The following MST1R variants were observed in gnomAD, a reference collection of about 807,000 sequenced individuals.
MST1R encodes macrophage-stimulating protein receptor.
Under a neutral mutation model 117.8 loss-of-function variants are expected in MST1R, and 99 were observed. The ratio of observed to expected loss-of-function variants is 0.84; its 90% CI spans 0.71 to 0.99. The LOEUF (loss-of-function observed/expected upper bound fraction) is 0.99, where lower values mean the gene tolerates loss of function less well. Among genes scored for constraint, MST1R ranks in the 50% least tolerant of loss-of-function variants. The probability of loss-of-function intolerance (pLI) is 0.00; values close to 1 mark genes in which losing one functional copy is unlikely to be tolerated. For missense variants in MST1R, 1,683 were observed against 1,840.2 expected, an observed-to-expected ratio of 0.91 and a Z score of 1.56; for synonymous variants, 734 against 765.3, an observed-to-expected ratio of 0.96 and a Z score of 0.68.
chr3:49,891,497 G>A lies in MST1R; in HGVS notation c.3436C>T (p.Leu1146Phe), dbSNP rs2082314606. The change falls in exon 16 of 20, where the codon CTC (leucine) becomes TTC (phenylalanine). Residue 1146 changes from leucine to phenylalanine, a missense_variant. By Grantham distance (22) the Leu-to-Phe change is conservative. Transcript: ENST00000296474. ...TCAGGTGGCAACATGATACCAATGA[G>A]AGCCAGCACATTCGGGTGGTTCAGG... Reference protein sequence around the residue: ...RGLNHPNVLALIGIMLPPEGL... With the variant: ...RGLNHPNVLAFIGIMLPPEGL... 6.2e-7 allele frequency: 1 copy of A among 1,614,036 alleles called. No homozygotes were observed. Among genetic ancestry groups the A allele is most frequent in the East Asian group, 2.2e-5 (1 of 44,890 alleles).
chr3:49,902,443 T>C lies in MST1R; in HGVS notation c.1167A>G (p.Pro389=), dbSNP rs1476557456. 8 of 1,614,158 alleles carry C rather than the reference T, an allele frequency of 5.0e-6. No individual in the cohort carries two copies. The East Asian group carries it at 1.8e-4, about 36-fold the overall frequency. ...GGCCTCGCCGGAGGCCTGGATGGAC[T>C]GGGGATTCACAACAGCGCTCCACAC... is the stretch of plus-strand genomic sequence containing the variant. ...DEGVERCCES[P]VHPGLRRGLD... Residue 389 remains proline (P), a synonymous_variant, in exon 1 of 20, where the codon CCA becomes CCG. Coordinates refer to ENST00000296474, the MANE Select transcript of MST1R (RefSeq NM_002447.4).
rs767387309 is a variant in MST1R at position 49,887,533 on chromosome 3, G to A, written c.3977C>T (p.Ala1326Val). The A allele has an allele frequency of 3.1e-6, 5 of 1,614,116 alleles. No homozygotes were observed. The highest frequency in any genetic ancestry group is 2.2e-5 in the East Asian group (1 of 44,882). Residue 1326 changes from alanine (A) to valine (V), a missense_variant, in exon 20 of 20, where the codon GCA becomes GTA. Coordinates refer to ENST00000296474, the MANE Select transcript of MST1R (RefSeq NM_002447.4). Reference protein sequence around the residue: ...LYQVMQQCWEADPAVRPTFRV... With the variant: ...LYQVMQQCWEVDPAVRPTFRV... ...GAAGGTGGGTCGCACTGCTGGGTCT[G>A]CCTCCCAGCATTGCTGCATCACTTG...
In MST1R at chr3:49,897,670, T is replaced by C. The variant is rs746192005; in HGVS notation, c.1896A>G (p.Lys632=). 1 of 1,612,944 alleles carries C rather than the reference T, an allele frequency of 6.2e-7. No homozygotes were observed. Among genetic ancestry groups the C allele is most frequent in the Non-Finnish European group, 8.5e-7 (1 of 1,179,376 alleles). ...CACACTCAAACTCCTCTACAAAGTC[T>C]TTCCGGGGCACTGGTCTGGGGCACC... The part of the protein sequence containing the change: ...DSSKLRPVPR[K]DFVEEFECEL... The change falls in exon 6 of 20, where the codon AAA becomes AAG. Residue 632 remains lysine, a synonymous_variant. Coordinates refer to ENST00000296474, the MANE Select transcript of MST1R (RefSeq NM_002447.4).
intron 14 of MST1R, among the ~76,000 whole-genome samples, chr3:49,894,480 T>G (rs1446558604): frequency 2.0e-5 from 3 of 150,644 alleles, no homozygotes; most frequent in African/African-American, 7.3e-5. Context: ...GGCAGGAGGA[T>G]CACCTGAGGC....
At position 49,897,595 on chromosome 3, in the gene MST1R, G is replaced by A. The variant is rs761727787; in HGVS notation, c.1971C>T (p.Leu657=). 1 of 1,614,160 alleles carries A rather than the reference G, an allele frequency of 6.2e-7. No homozygotes were observed. Among genetic ancestry groups the A allele is most frequent in the South Asian group, 1.1e-5 (1 of 91,090 alleles). The change falls in exon 6 of 20, where the codon CTC becomes CTT. Residue 657 remains leucine (L), a synonymous_variant. Transcript: ENST00000296474. ...TGCCCGGTGGCATGTTAGTCACGGT[G>A]AGGCTGACGTTGGTAGGCCCCACTG... ...TQAVGPTNVS[L]TVTNMPPGKH...
At chr3:49,890,733 T>TC in intron 17 of MST1R, 83 bp from the exon 18 acceptor site, 1 of 1,414,098 alleles carries the variant, frequency 7.1e-7, no homozygotes, top group East Asian at 2.4e-5. Flanking sequence ...TACAGAATTT[T>TC]TTTTTTTTTT....
Position 49,903,764 on chromosome 3 carries a change from T to C in MST1R, c.-155A>G. On this transcript the variant is annotated 5_prime_UTR_variant, in exon 1 of 20. Coordinates refer to ENST00000296474, the MANE Select transcript of MST1R (RefSeq NM_002447.4). ...AGCGGACCCCCGCCCCAGGTTCCTG[T>C]GAAACCCAAATCCCTTCCCGGCCCT... 1.9e-6 allele frequency: 2 copies of C among 1,072,774 alleles called. No individual in the cohort carries two copies. The allele number at this position is 1,072,774 out of a possible 1,614,324, so 66.5% of individuals were successfully genotyped here. A position where few individuals can be genotyped will look rare whatever the true frequency, so the allele number is the denominator to read the frequency against.
chr3:49,889,107 G>A (rs773396240), intron 19 of MST1R, among the ~76,000 whole-genome samples: 2 of 152,228 alleles, frequency 1.3e-5, no homozygotes, highest in Non-Finnish European at 2.9e-5. Flanking sequence ...GGTCATCCCA[G>A]TTCAAGCAGT....
intron 17 of MST1R, 21 bp from the exon 18 acceptor site, chr3:49,890,671 C>T (rs995578330): frequency 2.5e-6 from 4 of 1,600,736 alleles, no homozygotes; most frequent in Non-Finnish European, 3.4e-6. Flanking sequence ...GGGAGAGGAT[C>T]ACACTTAGGA....
intron 2 of MST1R, 30 bp downstream of exon 2, chr3:49,899,045 G>A (rs1559480159): frequency 6.2e-6 from 10 of 1,614,018 alleles, no homozygotes; most frequent in Non-Finnish European, 8.5e-6. Flanking sequence ...AAGGACCCAG[G>A]GCTAGGGGAC....
At chr3:49,890,362 T>C (rs773507367) in intron 18 of MST1R, 123 bp downstream of exon 18, 2 of 1,079,700 alleles carry the variant, frequency 1.9e-6, no homozygotes, top group Non-Finnish European at 2.6e-6. Context: ...GGTGAGCAGA[T>C]GGGCTGTGGG....
In MST1R at chr3:49,891,224, T is replaced by C. The variant is rs2082305393; in HGVS notation, c.3617A>G (p.His1206Arg). 6.2e-7 allele frequency: 1 copy of C among 1,614,040 alleles called. No individual in the cohort carries two copies. The highest frequency in any genetic ancestry group is 2.2e-5 in the East Asian group (1 of 44,890). Reference sequence around the variant, plus strand: ...GCAGTTCCGCGCAGCCAGGTCCCTGTGCACAAACTTCTGCTCTGCCAGGTA... The same window carrying C: ...GCAGTTCCGCGCAGCCAGGTCCCTGCGCACAAACTTCTGCTCTGCCAGGTA... ...MEYLAEQKFV[H>R]RDLAARNCML... Residue 1206 changes from histidine (H) to arginine (R), a missense_variant, in exon 17 of 20, where the codon CAC (histidine) becomes CGC (arginine). Coordinates refer to ENST00000296474, the MANE Select transcript of MST1R (RefSeq NM_002447.4).
At chr3:49,898,008 G>A (rs368755366) in intron 5 of MST1R, 43 bp downstream of exon 5, 9 of 1,611,836 alleles carry the variant, frequency 5.6e-6, no homozygotes, top group Non-Finnish European at 7.6e-6. Flanking sequence ...GGGCTGCTTG[G>A]TTTCCCCCTT....
chr3:49,892,022 G>T (rs1424666485), intron 14 of MST1R, 184 bp from the exon 15 acceptor site: 4 of 451,876 alleles, frequency 8.9e-6, no homozygotes, highest in Non-Finnish European at 1.2e-5. Context: ...GAAGTGCAGT[G>T]GTGCAATCTC....
Position 49,903,816 on chromosome 3 carries a change from A to C in MST1R, c.-207T>G. The C allele has an allele frequency of 1.6e-6, 1 of 629,580 alleles. No individual in the cohort carries two copies. The highest frequency in any genetic ancestry group is 2.6e-6 in the Non-Finnish European group (1 of 385,224). The allele number at this position is 629,580 out of a possible 1,614,324, so 39.0% of individuals were successfully genotyped here. A position where few individuals can be genotyped will look rare whatever the true frequency, so the allele number is the denominator to read the frequency against. ...GGGTCTGAGCACCTGACGCCTGCGG[A>C]CGCACGACAGCAACGCCCCAGCCGC... On this transcript the variant is annotated 5_prime_UTR_variant, in exon 1 of 20. Transcript: ENST00000296474.
At chr3:49,901,415 A>G (rs2082672851) in intron 1 of MST1R, among the ~76,000 whole-genome samples, 1 of 152,116 alleles carries the variant, frequency 6.6e-6, no homozygotes, top group Admixed American at 6.5e-5. Context: ...GAGAACCTAG[A>G]TAGAGTCTGT....
intron 14 of MST1R, among the ~76,000 whole-genome samples, chr3:49,893,671 G>C (rs1373008938): frequency 2.7e-5 from 4 of 150,622 alleles, no homozygotes; most frequent in Non-Finnish European, 5.9e-5. Flanking sequence ...AGGCTGAGGC[G>C]GGTGGATCAT....
chr3:49,899,300 A>G, intron 1 of MST1R, 37 bp from the exon 2 acceptor site: 1 of 1,610,424 alleles, frequency 6.2e-7, no homozygotes, highest in Non-Finnish European at 8.5e-7. Context: ...GTCAGGGTTC[A>G]GCCTTGTGCC....
chr3:49,895,300 T>C lies in MST1R; in HGVS notation c.3138A>G (p.Glu1046=), dbSNP rs776026282. Residue 1046 remains glutamate (E), a synonymous_variant, in exon 14 of 20, where the codon GAA becomes GAG. Transcript: ENST00000296474. ...CTTTCCGCAGCAGTGGCACACAGGATTCATCTTCACTATCGGAGAAGGATG... is the reference window on the plus strand; with the variant it reads ...CTTTCCGCAGCAGTGGCACACAGGACTCATCTTCACTATCGGAGAAGGATG... ...HGASFSDSED[E]SCVPLLRKES... 4.3e-6 allele frequency: 7 copies of C among 1,614,102 alleles called. No individual in the cohort carries two copies. The East Asian group carries it at 1.3e-4, about 31-fold the overall frequency.
Sources: allele counts gnomAD v4.1 joint callset (sites outside exome capture counted in the v4.1 genomes callset), GRCh38; gene constraint gnomAD v4.1.1; transcripts MANE v1.5; gene names NCBI Gene and HGNC (gene_info 2026-07-23, HGNC 2026-07-21).